ABCC4: variants seen among roughly 807,000 people sequenced by gnomAD.
ABCC4 encodes ATP binding cassette subfamily C member 4 (PEL blood group).
In ABCC4, 102 loss-of-function variants were observed where a neutral mutation model predicts 168.5. That is an observed-to-expected ratio of 0.61 (90% CI 0.52 to 0.71). The LOEUF is 0.71. ABCC4 is among the 30% of genes least tolerant of loss of function. The pLI, the probability that ABCC4 is intolerant of heterozygous loss-of-function variation, is 0.00. For synonymous variants in ABCC4, 617 were observed against 590.7 expected (o/e 1.04, Z -0.65); for missense variants, 1,402 against 1,605.8 (o/e 0.87, Z 2.17).
rs540261604 is a variant in ABCC4, at chr13:95,239,210, T to A, written c.307-4376A>T. On this transcript the variant is annotated intron_variant, in intron 3 of 30. Transcript: ENST00000645237. The stretch of plus-strand genomic sequence containing the variant: ...TTATTTTTAGAAATCATATTATGGG[T>A]AATAGTGTTGATACTGTAAGATAAA... Among the ~76,000 whole-genome samples the A allele has an allele frequency of 4.6e-5, 7 of 151,374 alleles. No individual in the cohort carries two copies. In the South Asian group the frequency reaches 1.5e-3, roughly 32 times the overall value.
At chr13:95,164,040 CAAA>C (rs764381643) in intron 16 of ABCC4, among the ~76,000 whole-genome samples, 3 of 74,718 alleles carry the variant, frequency 4.0e-5, no homozygotes, top group African/African-American at 8.4e-5. Context: ...AACTCCATCT[CAAA>C]AAAAAAAAAA....
rs768473583 is a variant in ABCC4 at position 95,021,590 on chromosome 13, G to A, written c.3963C>T (p.Phe1321=). Residue 1321 remains phenylalanine (F), a synonymous_variant, in exon 31 of 31, where the codon TTC becomes TTT. Coordinates refer to ENST00000645237, the MANE Select transcript of ABCC4 (RefSeq NM_005845.5). The part of the protein sequence containing the change: ...SNGQPSTLTI[F]ETAL ...TTGGTTGGATTCACAGTGCTGTCTC[G>A]AAAATAGTTAAGGTCGAGGGCTGTC... 7.5e-6 allele frequency: 12 copies of A among 1,610,546 alleles called. No homozygotes were observed. Among genetic ancestry groups the A allele is most frequent in the African/African-American group, 2.7e-5 (2 of 74,808 alleles).
In ABCC4 at chr13:95,044,263, T is replaced by C. The variant is rs2032483021; in HGVS notation, c.3629+3A>G. Reference sequence around the variant, plus strand: ...CAAGGTTACATGGACCTCAGCTTTATACCTTGGATCCACATTTGCCGTCGC... The same window carrying C: ...CAAGGTTACATGGACCTCAGCTTTACACCTTGGATCCACATTTGCCGTCGC... On this transcript the variant is annotated splice_donor_region_variant and intron_variant, in intron 28 of 30. Coordinates refer to ENST00000645237, the MANE Select transcript of ABCC4 (RefSeq NM_005845.5). 4 of 1,609,490 alleles carry C rather than the reference T, an allele frequency of 2.5e-6. No homozygotes were observed. Among genetic ancestry groups the C allele is most frequent in the South Asian group, 1.1e-5 (1 of 89,940 alleles).
chr13:95,294,297 A>G (rs983632774), intron 1 of ABCC4, among the ~76,000 whole-genome samples: 3 of 152,148 alleles, frequency 2.0e-5, no homozygotes, highest in Admixed American at 6.6e-5. Flanking sequence ...CGGGAGGCAG[A>G]GGTTGCAGTG....
chr13:95,171,904 C>T (rs1344007361), intron 13 of ABCC4, among the ~76,000 whole-genome samples: 2 of 151,960 alleles, frequency 1.3e-5, no homozygotes, highest in Admixed American at 6.5e-5. Flanking sequence ...TACTTATACC[C>T]CTCTTCAGGT....
intron 4 of ABCC4, among the ~76,000 whole-genome samples, chr13:95,224,006 A>G (rs1337862397): frequency 2.0e-5 from 3 of 152,192 alleles, no homozygotes; most frequent in Non-Finnish European, 4.4e-5. Context: ...AAGAAAAACA[A>G]GAGTGTGAGA....
At chr13:95,228,141 G>C (rs941393713) in intron 4 of ABCC4, among the ~76,000 whole-genome samples, 3 of 152,212 alleles carry the variant, frequency 2.0e-5, no homozygotes, top group Non-Finnish European at 4.4e-5. Flanking sequence ...GTATGGCTCA[G>C]TTGCTGACAA....
At chr13:95,220,356 A>G (rs751684116) in intron 4 of ABCC4, among the ~76,000 whole-genome samples, 4 of 152,138 alleles carry the variant, frequency 2.6e-5, no homozygotes, top group Non-Finnish European at 4.4e-5. Flanking sequence ...TACATACGTG[A>G]TTTTCCTTTT....
At position 95,205,915 on chromosome 13, in the gene ABCC4, G is replaced by A. The variant is rs149493076; in HGVS notation, c.1161+617C>T. 3.9e-3 allele frequency among the ~76,000 whole-genome samples: 592 copies of A among 152,328 alleles called. 7 individuals carry two copies. Among genetic ancestry groups the A allele is most frequent in the African/African-American group, 0.013 (549 of 41,568 alleles). On this transcript the variant is annotated intron_variant, in intron 8 of 30. Transcript: ENST00000645237. Reference sequence around the variant, plus strand: ...GTTACAGTCGTACAAATGGAGCAAGGCAGTAGAAATCAACCAATTGGAAAT... The same window carrying A: ...GTTACAGTCGTACAAATGGAGCAAGACAGTAGAAATCAACCAATTGGAAAT...
intron 1 of ABCC4, among the ~76,000 whole-genome samples, chr13:95,287,662 G>A (rs868511876): frequency 6.6e-6 from 1 of 151,922 alleles, no homozygotes; most frequent in Non-Finnish European, 1.5e-5. Flanking sequence ...CAGGAAGGAG[G>A]ACCTCTTGAG....
chr13:95,274,741 T>C (rs1254282516), intron 1 of ABCC4, among the ~76,000 whole-genome samples: 1 of 152,176 alleles, frequency 6.6e-6, no homozygotes, highest in Non-Finnish European at 1.5e-5. Flanking sequence ...GCACCTCCTC[T>C]GCCTCCTCCT....
At chr13:95,290,289 A>T (rs996441659) in intron 1 of ABCC4, among the ~76,000 whole-genome samples, 1 of 152,202 alleles carries the variant, frequency 6.6e-6, no homozygotes, top group African/African-American at 2.4e-5. Flanking sequence ...ATGTAATCTA[A>T]AAAGAATTTA....
chr13:95,037,995 C>A (rs1347763735), intron 29 of ABCC4, among the ~76,000 whole-genome samples: 2 of 152,104 alleles, frequency 1.3e-5, no homozygotes, highest in African/African-American at 4.8e-5. Context: ...GCTGGGACTA[C>A]AGGTGCACGC....
chr13:95,078,994 C>T (rs1192933531), intron 21 of ABCC4, among the ~76,000 whole-genome samples: 3 of 152,136 alleles, frequency 2.0e-5, no homozygotes, highest in Admixed American at 6.6e-5. Flanking sequence ...TTGGAACACC[C>T]GGGAATATCA....
intron 13 of ABCC4, among the ~76,000 whole-genome samples, chr13:95,170,871 A>AT (rs375082307): frequency 6.2e-4 from 94 of 151,994 alleles, no homozygotes; most frequent in East Asian, 3.3e-3. Flanking sequence ...AATAAGTGTA[A>AT]TTTTTTTTCC....
rs554367155 is a variant in ABCC4 at position 95,277,357 on chromosome 13, G to A, written c.74+23884C>T. Among the ~76,000 whole-genome samples, 3 of 152,152 alleles carry A rather than the reference G, an allele frequency of 2.0e-5. No individual in the cohort carries two copies. In the East Asian group the frequency reaches 5.8e-4, roughly 29 times the overall value. ...GCACTTTGGGAGGCCAAGGAGGGTG[G>A]ATCACCTGAGTTCAGGAGTTCGAGA... is the stretch of plus-strand genomic sequence containing the variant. On this transcript the variant is annotated intron_variant, in intron 1 of 30. Transcript: ENST00000645237.
At chr13:95,075,769 G>A (rs1566395737) in intron 21 of ABCC4, 3 of 466,086 alleles carry the variant, frequency 6.4e-6, no homozygotes, top group Non-Finnish European at 7.5e-6. Flanking sequence ...AAGGGGCCTG[G>A]AAATAAACGT....
chr13:95,183,020 A>C (rs1001737823), intron 11 of ABCC4, among the ~76,000 whole-genome samples: 2 of 150,246 alleles, frequency 1.3e-5, no homozygotes, highest in African/African-American at 4.9e-5. Context: ...CAATATATCT[A>C]GTTGCTATCA....
intron 13 of ABCC4, among the ~76,000 whole-genome samples, chr13:95,176,337 A>C (rs541723666): frequency 6.6e-6 from 1 of 150,882 alleles, no homozygotes; most frequent in African/African-American, 2.4e-5. Flanking sequence ...TCTTCAAAAA[A>C]ACACTGAATG....
Sources: allele counts gnomAD v4.1 joint callset (sites outside exome capture counted in the v4.1 genomes callset), GRCh38; gene constraint gnomAD v4.1.1; transcripts MANE v1.5; gene names NCBI Gene and HGNC (gene_info 2026-07-23, HGNC 2026-07-21).